The following ABHD2 variants were observed in gnomAD, a reference collection of about 807,000 sequenced individuals.
ABHD2 encodes the protein monoacylglycerol lipase ABHD2.
A neutral mutation model predicts 48.1 loss-of-function variants in ABHD2; 20 were observed. That is an observed-to-expected ratio of 0.42 (90% CI 0.29 to 0.60). The LOEUF (loss-of-function observed/expected upper bound fraction) is 0.60. ABHD2 is among the 20% of genes least tolerant of loss of function. ABHD2 has a pLI of 0.24. For synonymous variants in ABHD2, 209 were observed against 214.2 expected, an observed-to-expected ratio of 0.98 and a Z score of 0.21; for missense variants, 405 against 550.9, an observed-to-expected ratio of 0.74 and a Z score of 2.65.
At chr15:89,143,153 C>T (rs192055781) in intron 3 of ABHD2, among the ~76,000 whole-genome samples, 48 of 152,280 alleles carry the variant, frequency 3.2e-4, no homozygotes, top group African/African-American at 1.1e-3. Context: ...TCTCTTGCGG[C>T]TGTTAGTTCC....
intron 3 of ABHD2, among the ~76,000 whole-genome samples, chr15:89,123,774 A>G (rs927316936): frequency 6.6e-6 from 1 of 151,686 alleles, no homozygotes; most frequent in Non-Finnish European, 1.5e-5. Flanking sequence ...ATTTTTAAAA[A>G]TATATTTGTA....
rs1004562321 is a variant in ABHD2 at position 89,143,564 on chromosome 15, G to A, written c.195-8113G>A. Among the ~76,000 whole-genome samples, 3 of 152,108 alleles carry A rather than the reference G, an allele frequency of 2.0e-5. No homozygotes were observed. In the East Asian group the frequency reaches 5.8e-4, roughly 29 times the overall value. ...TGCCTGTAATCCCAGCTACATGGGA[G>A]GCTTAGGCAGGAGAATCGCTTGAAC... On this transcript the variant is annotated intron_variant, in intron 3 of 10. Coordinates refer to ENST00000352732, the MANE Select transcript of ABHD2 (RefSeq NM_152924.5).
chr15:89,094,126 A>C lies in ABHD2; in HGVS notation c.-107+5563A>C, dbSNP rs1292345626. 6.6e-6 allele frequency: 1 copy of C among 152,178 alleles called. No homozygotes were observed. The highest frequency in any genetic ancestry group is 1.9e-4 in the East Asian group (1 of 5,184). 9.4% of individuals were successfully genotyped at this position (152,178 alleles called of 1,614,324 possible). A position where few individuals can be genotyped will look rare whatever the true frequency, so the allele number is the denominator to read the frequency against. Reference sequence around the variant, plus strand: ...TGTACCACAGATACTGTGTTACATAAGGTGAGGAGAGGGAGGTGGTGTTAT... The same window carrying C: ...TGTACCACAGATACTGTGTTACATACGGTGAGGAGAGGGAGGTGGTGTTAT... On this transcript the variant is annotated intron_variant, in intron 1 of 10. Transcript: ENST00000352732. The surrounding 1 kb of genome is among the most constrained non-coding windows in gnomAD (Gnocchi z 4.7).
chr15:89,200,330 C>CGCACCTCACTTCCTAGACAGT lies in ABHD2; in HGVS notation c.*4910_*4930dup, dbSNP rs2051453527. 1 of 150,728 alleles carries CGCACCTCACTTCCTAGACAGT rather than the reference C, an allele frequency of 6.6e-6. No individual in the cohort carries two copies. The highest frequency in any genetic ancestry group is 1.5e-5 in the Non-Finnish European group (1 of 67,716). The allele number at this position is 150,728 out of a possible 1,614,324, so 9.3% of individuals were successfully genotyped here. On this transcript the variant is annotated 3_prime_UTR_variant, in exon 11 of 11. Transcript: ENST00000352732. ...CAGATGGGGCGGCGGGCAGCAGAGA[C>CGCACCTCACTTCCTAGACAGT]GCACCTCACTTCCTAGACAGTGCGG...
intron 1 of ABHD2, among the ~76,000 whole-genome samples, chr15:89,112,809 T>C (rs1429661188): frequency 1.3e-5 from 2 of 152,156 alleles, no homozygotes; most frequent in African/African-American, 4.8e-5. Flanking sequence ...AAGAGGAGGA[T>C]CTCTTGGGCC....
rs2051459986 is a variant in ABHD2 at position 89,200,907 on chromosome 15, C to T, written c.*5484C>T. ...GACCAGCCTGGCCAACATGGTGAAA[C>T]CCCTTCTCTACTAAAAATGCAAAAA... On this transcript the variant is annotated 3_prime_UTR_variant, in exon 11 of 11. Transcript: ENST00000352732. The T allele has an allele frequency of 2.4e-6, 1 of 411,882 alleles. No individual in the cohort carries two copies. The highest frequency in any genetic ancestry group is 4.4e-6 in the Non-Finnish European group (1 of 226,146). 25.5% of individuals were successfully genotyped at this position (411,882 alleles called of 1,614,324 possible). A position where few individuals can be genotyped will look rare whatever the true frequency, so the allele number is the denominator to read the frequency against.
Position 89,097,931 on chromosome 15 carries a change from C to T in ABHD2, c.-107+9368C>T, listed in dbSNP as rs754445634. 1.3e-5 allele frequency among the ~76,000 whole-genome samples: 2 copies of T among 152,170 alleles called. No individual in the cohort carries two copies. The highest frequency in any genetic ancestry group is 2.9e-5 in the Non-Finnish European group (2 of 68,022). On this transcript the variant is annotated intron_variant, in intron 1 of 10. Transcript: ENST00000352732. The surrounding 1 kb of genome is among the most constrained non-coding windows in gnomAD (Gnocchi z 4.2). ...TTTTTGAGACAGTCTCACTCTGTCA[C>T]GCAGGCTGGATTGCAGTGGCAGGAT... is the stretch of plus-strand genomic sequence containing the variant.
intron 3 of ABHD2, chr15:89,135,650 C>A: frequency 6.4e-7 from 1 of 1,556,648 alleles, no homozygotes; most frequent in East Asian, 2.3e-5. Context: ...TTGACAACTC[C>A]CTTTTTTTGC....
rs1385153031 is a variant in ABHD2 at position 89,197,089 on chromosome 15, G to A, written c.*1666G>A. 1 of 152,690 alleles carries A rather than the reference G, an allele frequency of 6.5e-6. No homozygotes were observed. Among genetic ancestry groups the A allele is most frequent in the East Asian group, 1.9e-4 (1 of 5,190 alleles). The allele number at this position is 152,690 out of a possible 1,614,324, so 9.5% of individuals were successfully genotyped here. A position where few individuals can be genotyped will look rare whatever the true frequency, so the allele number is the denominator to read the frequency against. On this transcript the variant is annotated 3_prime_UTR_variant, in exon 11 of 11. Transcript: ENST00000352732. The surrounding 1 kb of genome is among the most constrained non-coding windows in gnomAD (Gnocchi z 4.4). ...TGGGCGCCTGAGTGCCAACCCTCAG[G>A]GCCACAGGTGGGTGTGGTTTGGGCA...
rs1567118445 is a variant in ABHD2 at position 89,199,962 on chromosome 15, T to G, written c.*4539T>G. 9.8e-5 allele frequency: 15 copies of G among 152,522 alleles called. No homozygotes were observed. 9.4% of individuals were successfully genotyped at this position (152,522 alleles called of 1,614,324 possible). ...GCAAGGCCTGCTTCCTTCCTTCCCC[T>G]CTGCTGCTGCTGCCTCGGAACGCTG... is the stretch of plus-strand genomic sequence containing the variant. On this transcript the variant is annotated 3_prime_UTR_variant, in exon 11 of 11. Coordinates refer to ENST00000352732, the MANE Select transcript of ABHD2 (RefSeq NM_152924.5). The surrounding 1 kb of genome is among the most constrained non-coding windows in gnomAD (Gnocchi z 4.1).
At chr15:89,136,848 A>G (rs1467478981) in intron 3 of ABHD2, among the ~76,000 whole-genome samples, 2 of 152,238 alleles carry the variant, frequency 1.3e-5, no homozygotes, top group African/African-American at 4.8e-5. Context: ...TGGCCTGGGA[A>G]GTAGCCAAAA....
At chr15:89,127,602 A>G (rs893921431) in intron 3 of ABHD2, among the ~76,000 whole-genome samples, 4 of 151,266 alleles carry the variant, frequency 2.6e-5, no homozygotes, top group African/African-American at 4.9e-5. Flanking sequence ...AACTCCATAA[A>G]TGCTTTTTAA....
rs1029698816 is a variant in ABHD2, at chr15:89,177,308, C to T, written c.722+1313C>T. On this transcript the variant is annotated intron_variant, in intron 6 of 10. Coordinates refer to ENST00000352732, the MANE Select transcript of ABHD2 (RefSeq NM_152924.5). This position sits in a 1 kb window ranked among gnomAD's most constrained non-coding sequence, Gnocchi z 5.6. ...GTAAGCCACTGTTCATTTTCATTAT[C>T]GTCATCATCGTCATTCACTGTAAAA... Among the ~76,000 whole-genome samples, 1 of 152,188 alleles carries T rather than the reference C, an allele frequency of 6.6e-6. No homozygotes were observed. The highest frequency in any genetic ancestry group is 1.5e-5 in the Non-Finnish European group (1 of 68,034).
chr15:89,132,283 G>T (rs2050232356), intron 3 of ABHD2, among the ~76,000 whole-genome samples: 1 of 152,158 alleles, frequency 6.6e-6, no homozygotes, highest in East Asian at 1.9e-4. Flanking sequence ...CTAATAATAA[G>T]AATCGCTGTA....
rs2049587622 is a variant in ABHD2 at position 89,094,875 on chromosome 15, C to T, written c.-107+6312C>T. 6.6e-6 allele frequency among the ~76,000 whole-genome samples: 1 copy of T among 151,742 alleles called. No individual in the cohort carries two copies. Among genetic ancestry groups the T allele is most frequent in the South Asian group, 2.1e-4 (1 of 4,792 alleles). On this transcript the variant is annotated intron_variant, in intron 1 of 10. Transcript: ENST00000352732. This position sits in a 1 kb window ranked among gnomAD's most constrained non-coding sequence, Gnocchi z 4.7. ...ACCAGGAGTTCGAGACCAGCCTGGC[C>T]AACATGATGAAACCCCATATCCACT...
intron 1 of ABHD2, among the ~76,000 whole-genome samples, chr15:89,101,364 G>A (rs2049697770): frequency 6.6e-6 from 1 of 152,170 alleles, no homozygotes; most frequent in African/African-American, 2.4e-5. Flanking sequence ...ATATCCAAAA[G>A]CTGCTGACAG....
At chr15:89,058,717 C>T in the ABHD2 span, among the ~76,000 whole-genome samples, 11 of 152,160 alleles carry the variant, frequency 7.2e-5, no homozygotes, top group African/African-American at 2.6e-4. Flanking sequence ...CTGTGGAGCC[C>T]CCTCATGTCC....
intron 3 of ABHD2, chr15:89,135,898 G>T: frequency 1.6e-6 from 1 of 623,490 alleles, no homozygotes; most frequent in Non-Finnish European, 2.9e-6. Context: ...GCCGAAGGAG[G>T]CCTCTTGGGT....
At chr15:89,110,983 G>A (rs2049866146) in intron 1 of ABHD2, among the ~76,000 whole-genome samples, 1 of 152,074 alleles carries the variant, frequency 6.6e-6, no homozygotes, top group African/African-American at 2.4e-5. Context: ...ATGCCACTGG[G>A]CGTAAGAGCA....
Sources: allele counts gnomAD v4.1 joint callset (sites outside exome capture counted in the v4.1 genomes callset), GRCh38; gene constraint gnomAD v4.1.1; non-coding constraint Gnocchi (gnomAD v3.1); transcripts MANE v1.5; gene names NCBI Gene and HGNC (gene_info 2026-07-23, HGNC 2026-07-21).